MACF1: variants seen among roughly 807,000 people sequenced by gnomAD.
MACF1 encodes microtubule actin crosslinking factor 1.
Under a neutral mutation model 854.8 loss-of-function variants are expected in MACF1, and 193 were observed. The observed-to-expected ratio is 0.23, with a 90% confidence interval of 0.20 to 0.25. MACF1 has a LOEUF of 0.25. Among genes scored for constraint, MACF1 ranks in the 10% least tolerant of loss-of-function variants. The pLI is 1.00. For synonymous variants in MACF1, 3,185 were observed against 3,226.7 expected, an observed-to-expected ratio of 0.99 and a Z score of 0.44; for missense variants, 7,722 against 8,929.1, an observed-to-expected ratio of 0.86 and a Z score of 5.45.
At chr1:39,104,024 T>C (rs978933365) in intron 2 of MACF1, among the ~76,000 whole-genome samples, 2 of 152,242 alleles carry the variant, frequency 1.3e-5, no homozygotes, top group Non-Finnish European at 2.9e-5. Flanking sequence ...CTTCAAACTC[T>C]TGAGAATGGG....
chr1:39,251,470 A>T (rs1490740384), intron 3 of MACF1, among the ~76,000 whole-genome samples: 1 of 152,204 alleles, frequency 6.6e-6, no homozygotes, highest in African/African-American at 2.4e-5. Flanking sequence ...AAACTATGTC[A>T]ATCTAATTTC....
intron 6 of MACF1, among the ~76,000 whole-genome samples, chr1:39,270,484 A>C (rs1557555217): frequency 1.3e-5 from 2 of 152,132 alleles, no homozygotes; most frequent in Non-Finnish European, 2.9e-5. Flanking sequence ...TGGTAATGGC[A>C]GTTTCTGTGA....
chr1:39,463,665 G>C lies in MACF1; in HGVS notation c.21732G>C (p.Gln7244His). Reference protein sequence around the residue: ...CKCAKRFQVEQIGENKYRFFL... With the variant: ...CKCAKRFQVEHIGENKYRFFL... ...GTGCAAAAAGGTTTCAGGTGGAGCA[G>C]ATCGGAGAGAATAAATACCGGGTAA... Residue 7244 changes from glutamine (Q) to histidine (H), a missense_variant, in exon 94 of 101, where the codon CAG (glutamine) becomes CAC (histidine). By Grantham distance (24) the Gln-to-His change is conservative. Around this residue, in one of 15 missense-constraint regions of MACF1, gnomAD observed 153 missense variants for 342.5 expected, o/e 0.45. Coordinates refer to ENST00000564288, the MANE Select transcript of MACF1 (RefSeq NM_001394062.1). 2 of 1,613,262 alleles carry C rather than the reference G, an allele frequency of 1.2e-6. No individual in the cohort carries two copies. The highest frequency in any genetic ancestry group is 1.7e-6 in the Non-Finnish European group (2 of 1,179,390).
At position 39,327,259 on chromosome 1, in the gene MACF1, A is replaced by G. The variant is rs144722126; in HGVS notation, c.4520A>G (p.Asn1507Ser). The G allele has an allele frequency of 1.6e-4, 252 of 1,598,392 alleles. No individual in the cohort carries two copies. In the East Asian group the frequency reaches 5.4e-3, roughly 34 times the overall value. ...AAGAAACAAATATCTGAGCAATTGA[A>G]TGCCCTAAACAAGGCTTACCATGAC... The part of the protein sequence containing the change: ...KEKKQISEQL[N>S]ALNKAYHDLC... Residue 1507 changes from asparagine (N) to serine (S), a missense_variant, in exon 36 of 101, where the codon AAT (asparagine) becomes AGT (serine). Physicochemically the swap from Asn to Ser is conservative, Grantham distance 46 (BLOSUM62 1). Transcript: ENST00000564288.
chr1:39,215,825 A>G (rs1571183675), intron 1 of MACF1, among the ~76,000 whole-genome samples: 1 of 148,782 alleles, frequency 6.7e-6, no homozygotes, highest in African/African-American at 2.5e-5. Flanking sequence ...GGTGGGAGGG[A>G]GGAGTCATGG....
At chr1:39,413,792 T>A in intron 58 of MACF1, 1 of 1,611,674 alleles carries the variant, frequency 6.2e-7, no homozygotes, top group East Asian at 2.2e-5. Flanking sequence ...GCTGCTGCAG[T>A]GCCCACCCCA....
chr1:39,357,259 C>T, intron 44 of MACF1, 116 bp from the exon 45 acceptor site: 1 of 1,182,170 alleles, frequency 8.5e-7, no homozygotes, highest in South Asian at 1.5e-5. Context: ...GGTGAAAAGA[C>T]CAAGGCTGAA....
chr1:39,431,545 A>G (rs1407389814), intron 66 of MACF1, among the ~76,000 whole-genome samples: 2 of 152,240 alleles, frequency 1.3e-5, no homozygotes, highest in African/African-American at 4.8e-5. Flanking sequence ...GAGTCCAGGT[A>G]TATCCCCAGT....
intron 58 of MACF1, among the ~76,000 whole-genome samples, chr1:39,407,857 GT>G (rs760480040): frequency 6.6e-6 from 1 of 152,138 alleles, no homozygotes; most frequent in African/African-American, 2.4e-5. Context: ...TTTAATAGAT[GT>G]TTTTTTCCTT....
In MACF1 at chr1:39,130,615, T is replaced by C. The variant is rs1442839455; in HGVS notation, c.220+46177T>C. On this transcript the variant is annotated intron_variant, in intron 2 of 93. Transcript: ENST00000361689. ...ACAAGAGCTGACTCAAGAGTTCTCT[T>C]CTATTGTGGAGATGTTCCTGCTCTT... is the stretch of plus-strand genomic sequence containing the variant. Among the ~76,000 whole-genome samples, 7 of 152,280 alleles carry C rather than the reference T, an allele frequency of 4.6e-5. No homozygotes were observed. In the East Asian group the frequency reaches 1.2e-3, roughly 25 times the overall value.
intron 42 of MACF1, 35 bp downstream of exon 42, chr1:39,349,662 T>A (rs750026257): frequency 1.2e-6 from 2 of 1,607,652 alleles, no homozygotes; most frequent in Middle Eastern, 1.7e-4. Flanking sequence ...ACACAAAGTC[T>A]CGCTCTATCG....
Position 39,337,326 on chromosome 1 carries a change from G to C in MACF1, c.10210G>C (p.Ala3404Pro). ...LAELQDLLCQ[A>P]KVLERELKDL... ...AGAACTACAGGATCTGCTGTGTCAG[G>C]CCAAGGTAGGTTCCCAGAGACTTCC... Residue 3404 changes from alanine (A) to proline (P), a missense_variant, in exon 38 of 101, where the codon GCC (alanine) becomes CCC (proline). Ala to Pro is a conservative substitution (Grantham distance 27, BLOSUM62 -1). Around this residue, in one of 15 missense-constraint regions of MACF1, gnomAD observed 854 missense variants for 852.6 expected, o/e 1.00. Coordinates refer to ENST00000564288, the MANE Select transcript of MACF1 (RefSeq NM_001394062.1). 1 of 1,613,322 alleles carries C rather than the reference G, an allele frequency of 6.2e-7. No individual in the cohort carries two copies. The highest frequency in any genetic ancestry group is 8.5e-7 in the Non-Finnish European group (1 of 1,179,718).
upstream of MACF1, among the ~76,000 whole-genome samples, chr1:39,200,704 A>C (rs1212006787): frequency 6.7e-6 from 1 of 148,476 alleles, no homozygotes; most frequent in Non-Finnish European, 1.5e-5. Context: ...ATCTCAGAGA[A>C]AAAAAAAAAA....
At chr1:39,153,147 A>G (rs950482770) in intron 2 of MACF1, among the ~76,000 whole-genome samples, 2 of 152,114 alleles carry the variant, frequency 1.3e-5, no homozygotes, top group African/African-American at 2.4e-5. Flanking sequence ...GTGGAAATCA[A>G]TTTCCTACCC....
Position 39,334,436 on chromosome 1 carries a change from T to C in MACF1, c.7848T>C (p.His2616=), listed in dbSNP as rs893008470. The change falls in exon 37 of 101, where the codon CAT becomes CAC. Residue 2616 remains histidine, a synonymous_variant. Coordinates refer to ENST00000564288, the MANE Select transcript of MACF1 (RefSeq NM_001394062.1). Reference sequence around the variant, plus strand: ...CAGTATTGTCTCCAGGAATGATGCATGGCATTGTAGATCCCGAGAACTGCA... The same window carrying C: ...CAGTATTGTCTCCAGGAATGATGCACGGCATTGTAGATCCCGAGAACTGCA... ...NEAVLSPGMM[H]GIVDPENCRI... The C allele has an allele frequency of 6.2e-7, 1 of 1,614,142 alleles. No homozygotes were observed.
At chr1:39,327,980 T>A (rs1460140899) in intron 36 of MACF1, among the ~76,000 whole-genome samples, 5 of 152,210 alleles carry the variant, frequency 3.3e-5, no homozygotes, top group Non-Finnish European at 5.9e-5. Flanking sequence ...CCATATTATA[T>A]ACATGTGTCT....
chr1:39,211,396 A>G (rs1644514073), intron 1 of MACF1, among the ~76,000 whole-genome samples: 1 of 152,140 alleles, frequency 6.6e-6, no homozygotes. Flanking sequence ...GTTGGGATGA[A>G]ACAGTAATTG....
chr1:39,366,227 G>A (rs1230280770), intron 49 of MACF1, among the ~76,000 whole-genome samples: 8 of 152,124 alleles, frequency 5.3e-5, no homozygotes, highest in African/African-American at 1.2e-4. Flanking sequence ...ATTCATTCAC[G>A]CAAACACATA....
intron 84 of MACF1, among the ~76,000 whole-genome samples, chr1:39,449,091 A>G (rs1644283557): frequency 6.6e-6 from 1 of 152,212 alleles, no homozygotes; most frequent in Non-Finnish European, 1.5e-5. Context: ...AAGCCTCTAC[A>G]TGCATTACCT....
Sources: gnomAD v4.1 joint callset for allele counts (sites outside exome capture counted in the v4.1 genomes callset) on GRCh38, gnomAD v4.1.1 for gene constraint, gnomAD v4.1.1 regional missense constraint, MANE v1.5 for transcripts, NCBI Gene and HGNC (gene_info 2026-07-23, HGNC 2026-07-21) for gene names.